The following RS1 variants were observed in gnomAD, a reference collection of about 807,000 sequenced individuals.
The protein encoded by RS1 is retinoschisin 1.
RS1 carries 2 observed loss-of-function variants against 20.8 expected under a neutral mutation model. The observed-to-expected ratio is 0.10, with a 90% CI of 0.04 to 0.30. RS1 has a LOEUF of 0.30. Among genes scored for constraint, RS1 ranks in the 10% least tolerant of loss-of-function variants. The probability of loss-of-function intolerance (pLI) is 1.00; values close to 1 mark genes in which losing one functional copy is unlikely to be tolerated. For synonymous variants in RS1, 70 were observed against 75.8 expected, an observed-to-expected ratio of 0.92 and a Z score of 0.40; for missense variants, 151 against 189.8, an observed-to-expected ratio of 0.80 and a Z score of 1.20.
intron 3 of RS1, among the ~76,000 whole-genome samples, chrX:18,654,086 G>A (rs1427791308): frequency 9.0e-6 from 1 of 111,104 alleles, no homozygotes; most frequent in Non-Finnish European, 1.9e-5. Flanking sequence ...GCTGTGTAGG[G>A]GAGACAGCTT....
At chrX:18,655,116 C>T (rs1928189528) in intron 3 of RS1, among the ~76,000 whole-genome samples, 2 of 112,002 alleles carry the variant, frequency 1.8e-5, no homozygotes, top group African/African-American at 3.2e-5. Context: ...TGCTCCCTCC[C>T]TCCTCAGTGT....
intron 4 of RS1, 22 bp downstream of exon 4, chrX:18,647,169 A>G (rs1422448055): frequency 1.7e-6 from 2 of 1,207,675 alleles, no homozygotes; most frequent in Admixed American, 2.2e-5. Context: ...CACATGAAAA[A>G]AAATCCCCGG....
Position 18,641,136 on chromosome X carries a change from A to G in RS1, c.*868T>C, listed in dbSNP as rs1466989423. On this transcript the variant is annotated 3_prime_UTR_variant, in exon 6 of 6. Transcript: ENST00000379984. Reference sequence around the variant, plus strand: ...CTCCTGGGCCAGCTGTTCTCGAACTATGTTTGGTTTGCTAGGAAATGGTAG... The same window carrying G: ...CTCCTGGGCCAGCTGTTCTCGAACTGTGTTTGGTTTGCTAGGAAATGGTAG... 8.9e-6 allele frequency: 1 copy of G among 111,995 alleles called. No homozygotes were observed. Among genetic ancestry groups the G allele is most frequent in the African/African-American group, 3.2e-5 (1 of 30,798 alleles). The allele number at this position is 111,995 out of a possible 1,213,427, so 9.2% of individuals were successfully genotyped here.
At chrX:18,648,837 C>T (rs1779551791) in intron 3 of RS1, among the ~76,000 whole-genome samples, 1 of 110,515 alleles carries the variant, frequency 9.0e-6, no homozygotes, top group Non-Finnish European at 1.9e-5. Flanking sequence ...TGCCTGTAAT[C>T]CCAGTGCTTT....
intron 3 of RS1, among the ~76,000 whole-genome samples, chrX:18,652,406 C>T (rs1463196115): frequency 1.8e-5 from 2 of 112,294 alleles, no homozygotes; most frequent in African/African-American, 3.2e-5. Flanking sequence ...CAGTGGCTCA[C>T]GCCTGTAATC....
chrX:18,670,223 CTTTT>C (rs34539361), intron 1 of RS1, among the ~76,000 whole-genome samples: 5 of 78,604 alleles, frequency 6.4e-5, no homozygotes, highest in African/African-American at 2.3e-4. Flanking sequence ...ATGTCAAGTC[CTTTT>C]TTTTTTTTTT....
chrX:18,664,711 G>GTAT (rs1391096800), intron 1 of RS1, among the ~76,000 whole-genome samples: 6 of 110,352 alleles, frequency 5.4e-5, no homozygotes, highest in Admixed American at 2.9e-4. Flanking sequence ...GTTATTATTA[G>GTAT]TAGTATTATT....
chrX:18,646,144 G>A, intron 4 of RS1: 1 of 1,207,416 alleles, frequency 8.3e-7, no homozygotes, highest in Admixed American at 2.2e-5. Flanking sequence ...CTAGACTACT[G>A]AATGAAACTT....
chrX:18,660,435 C>T (rs1305354618), intron 1 of RS1, among the ~76,000 whole-genome samples: 1 of 111,006 alleles, frequency 9.0e-6, no homozygotes, highest in African/African-American at 3.3e-5. Flanking sequence ...TTTTGAACTC[C>T]TGACCTTAGG....
In RS1 at chrX:18,641,899, G is replaced by T; in HGVS notation, c.*105C>A. 3.3e-6 allele frequency: 3 copies of T among 905,229 alleles called. No homozygotes were observed. Among genetic ancestry groups the T allele is most frequent in the Non-Finnish European group, 4.8e-6 (3 of 628,860 alleles). The allele number at this position is 905,229 out of a possible 1,213,427, so 74.6% of individuals were successfully genotyped here. A position where few individuals can be genotyped will look rare whatever the true frequency, so the allele number is the denominator to read the frequency against. ...TCTACCCAGCACTGCAGTTACAATT[G>T]CTTTGCGAAATATAGCCCTGTCCAT... On this transcript the variant is annotated 3_prime_UTR_variant, in exon 6 of 6. Coordinates refer to ENST00000379984, the MANE Select transcript of RS1 (RefSeq NM_000330.4).
At chrX:18,653,644 T>G in intron 3 of RS1, 1 of 1,067,424 alleles carries the variant, frequency 9.4e-7, no homozygotes, top group Non-Finnish European at 1.3e-6. Context: ...GAGGTTGAGT[T>G]TTCCTTTCTG....
At chrX:18,655,672 A>G (rs1257946412) in intron 3 of RS1, among the ~76,000 whole-genome samples, 1 of 111,950 alleles carries the variant, frequency 8.9e-6, no homozygotes, top group Non-Finnish European at 1.9e-5. Context: ...TGAAGAGTTG[A>G]GTGCCAGCCC....
chrX:18,648,249 T>A (rs2147195249), intron 3 of RS1, among the ~76,000 whole-genome samples: 1 of 110,182 alleles, frequency 9.1e-6, no homozygotes, highest in East Asian at 2.9e-4. Context: ...TCTTCTCCTT[T>A]TTTTTTTCTT....
At chrX:18,654,257 C>T (rs1223271750) in intron 3 of RS1, among the ~76,000 whole-genome samples, 1 of 107,328 alleles carries the variant, frequency 9.3e-6, no homozygotes, top group Admixed American at 1.0e-4. Context: ...AGGGCTCAAG[C>T]GATCTTCCCA....
chrX:18,664,988 G>T (rs1928380631), intron 1 of RS1, among the ~76,000 whole-genome samples: 1 of 112,311 alleles, frequency 8.9e-6, no homozygotes, highest in Non-Finnish European at 1.9e-5. Flanking sequence ...AAAGTGCTGA[G>T]ATTACAGGCG....
rs1173363955 is a variant in RS1 at position 18,640,187 on chromosome X, C to G, written c.*1817G>C. On this transcript the variant is annotated 3_prime_UTR_variant, in exon 6 of 6. Coordinates refer to ENST00000379984, the MANE Select transcript of RS1 (RefSeq NM_000330.4). ...CTCAATAAAGCCGTGACAAAAGTTT[C>G]CAACATGAACTCTTATTTGGAAAGC... 3.6e-5 allele frequency: 4 copies of G among 111,476 alleles called. No homozygotes were observed. Among genetic ancestry groups the G allele is most frequent in the Non-Finnish European group, 7.5e-5 (4 of 53,070 alleles). The allele number at this position is 111,476 out of a possible 1,213,427, so 9.2% of individuals were successfully genotyped here.
chrX:18,650,723 C>A, intron 3 of RS1: 1 of 769,757 alleles, frequency 1.3e-6, no homozygotes, highest in South Asian at 2.2e-5. Context: ...GGCATGGGGA[C>A]AAAGCTGCAG....
intron 3 of RS1, among the ~76,000 whole-genome samples, chrX:18,654,748 G>T (rs944508371): frequency 5.4e-5 from 6 of 111,810 alleles, no homozygotes; most frequent in African/African-American, 2.0e-4. Flanking sequence ...CCTCACGATT[G>T]GGACCCCATA....
intron 3 of RS1, among the ~76,000 whole-genome samples, chrX:18,648,791 G>C (rs1395451477): frequency 9.0e-6 from 1 of 111,281 alleles, no homozygotes; most frequent in African/African-American, 3.3e-5. Context: ...TGTGGGTAAG[G>C]CCGAGAGAAC....
Sources: gnomAD v4.1 joint callset for allele counts (sites outside exome capture counted in the v4.1 genomes callset) on GRCh38, gnomAD v4.1.1 for gene constraint, MANE v1.5 for transcripts, NCBI Gene and HGNC (gene_info 2026-07-23, HGNC 2026-07-21) for gene names.